The following LPCAT1 variants were observed in gnomAD, a reference collection of about 807,000 sequenced individuals.
LPCAT1 encodes the protein 1-acylglycerol-3-phosphate O-acyltransferase.
Under a neutral mutation model 60.9 loss-of-function variants are expected in LPCAT1, and 23 were observed. That is an observed-to-expected ratio of 0.38 (90% CI 0.27 to 0.53). The LOEUF is 0.53. Ranked by LOEUF, LPCAT1 falls within the 20% of genes least tolerant of loss-of-function variation. The probability of loss-of-function intolerance (pLI) is 0.82; values close to 1 mark genes in which losing one functional copy is unlikely to be tolerated. For synonymous variants in LPCAT1, 340 were observed against 301.1 expected, an observed-to-expected ratio of 1.13 and a Z score of -1.34; for missense variants, 622 against 723.6, an observed-to-expected ratio of 0.86 and a Z score of 1.61.
intron 12 of LPCAT1, among the ~76,000 whole-genome samples, chr5:1,467,719 A>G (rs1183165778): frequency 2.0e-5 from 3 of 150,354 alleles, no homozygotes; most frequent in Non-Finnish European, 1.5e-5. Context: ...TTTAGGCTCG[A>G]GCCTGGCCCA....
intron 6 of LPCAT1, among the ~76,000 whole-genome samples, chr5:1,482,526 T>G (rs1256936798): frequency 2.5e-4 from 4 of 15,858 alleles, no homozygotes; most frequent in Admixed American, 5.8e-4. Flanking sequence ...TGGGGTGGGG[T>G]GGGGTGGGGC....
In LPCAT1 at chr5:1,494,731, C is replaced by T; in HGVS notation, c.462G>A (p.Lys154=). The change falls in exon 3 of 14, where the codon AAG becomes AAA. Residue 154 remains lysine, a synonymous_variant. Transcript: ENST00000283415. ...VTMTMSSIVM[K]AESRDIPIWG... The stretch of plus-strand genomic sequence containing the variant: ...AGATCGGGATGTCTCTGCTCTCTGC[C>T]TTCATCACGATGGAGGACATCGTCA... 1 of 1,614,230 alleles carries T rather than the reference C, an allele frequency of 6.2e-7. No homozygotes were observed. The highest frequency in any genetic ancestry group is 8.5e-7 in the Non-Finnish European group (1 of 1,180,020).
At chr5:1,475,408 C>T (rs1734861688) in intron 9 of LPCAT1, among the ~76,000 whole-genome samples, 1 of 152,192 alleles carries the variant, frequency 6.6e-6, no homozygotes, top group African/African-American at 2.4e-5. Flanking sequence ...CTGGGAGAAC[C>T]ACCCACCTCC....
At chr5:1,500,097 G>A (rs1305227407) in intron 2 of LPCAT1, among the ~76,000 whole-genome samples, 2 of 152,342 alleles carry the variant, frequency 1.3e-5, no homozygotes, top group South Asian at 2.1e-4. Context: ...GGGCGTGCCC[G>A]TGCTCCAGTA....
At chr5:1,515,738 G>C (rs1416692199) in intron 1 of LPCAT1, among the ~76,000 whole-genome samples, 4 of 151,904 alleles carry the variant, frequency 2.6e-5, no homozygotes, top group Admixed American at 6.5e-5. Flanking sequence ...AATACAGGGG[G>C]CCCCCCGGAA....
chr5:1,518,427 G>A (rs1219129514), intron 1 of LPCAT1, among the ~76,000 whole-genome samples: 1 of 152,196 alleles, frequency 6.6e-6, no homozygotes, highest in Non-Finnish European at 1.5e-5. Context: ...TGCAAGCTCC[G>A]CCTCCTGGGT....
chr5:1,521,268 C>G lies in LPCAT1; in HGVS notation c.135+2442G>C. 1 of 921,374 alleles carries G rather than the reference C, an allele frequency of 1.1e-6. No individual in the cohort carries two copies. Among genetic ancestry groups the G allele is most frequent in the Middle Eastern group, 5.5e-4 (1 of 1,804 alleles). 57.1% of individuals were successfully genotyped at this position (921,374 alleles called of 1,614,324 possible). On this transcript the variant is annotated intron_variant, in intron 1 of 13. Transcript: ENST00000283415. The surrounding 1 kb of genome is among the most constrained non-coding windows in gnomAD (Gnocchi z 4.3). ...ATGGGCTGGCTGGAGGAGGAGGTGTCCCCGCATGGCGCTAATCCGAAGACA... is the reference window on the plus strand; with the variant it reads ...ATGGGCTGGCTGGAGGAGGAGGTGTGCCCGCATGGCGCTAATCCGAAGACA...
In LPCAT1 at chr5:1,465,420, T is replaced by C. The variant is rs533904561; in HGVS notation, c.1420+1329A>G. Among the ~76,000 whole-genome samples, 280 of 139,540 alleles carry C rather than the reference T, an allele frequency of 2.0e-3. 2 individuals carry two copies. Among genetic ancestry groups the C allele is most frequent in the African/African-American group, 7.0e-3 (259 of 36,776 alleles). The allele number at this position is 139,540 out of a possible 152,430, so 91.5% of individuals were successfully genotyped here. On this transcript the variant is annotated intron_variant, in intron 13 of 13. Transcript: ENST00000283415. ...CATGCACACATGGTAACTACACACA[T>C]GCACACACACACAAAACAAGCGCAG... is the stretch of plus-strand genomic sequence containing the variant.
intron 11 of LPCAT1, among the ~76,000 whole-genome samples, chr5:1,473,363 G>A (rs968081972): frequency 5.3e-5 from 8 of 152,258 alleles, no homozygotes; most frequent in African/African-American, 1.9e-4. Context: ...GTGGCTCGCC[G>A]TGGCAGCCTG....
At chr5:1,494,970 G>T (rs1735730787) in intron 2 of LPCAT1, 56 bp from the exon 3 acceptor site, 2 of 1,489,498 alleles carry the variant, frequency 1.3e-6, no homozygotes. Context: ...CGGAGTCTGT[G>T]TGAGGCACAG....
At chr5:1,498,659 CAA>C (rs1312223008) in intron 2 of LPCAT1, among the ~76,000 whole-genome samples, 1 of 151,808 alleles carries the variant, frequency 6.6e-6, no homozygotes, top group Non-Finnish European at 1.5e-5. Context: ...CACAGAGACA[CAA>C]CACTCATACA....
At chr5:1,490,668 G>A (rs1466443762) in intron 3 of LPCAT1, among the ~76,000 whole-genome samples, 6 of 152,202 alleles carry the variant, frequency 3.9e-5, no homozygotes, top group African/African-American at 1.4e-4. Flanking sequence ...ACAGCCTCCT[G>A]GAAGTTGCGG....
chr5:1,466,767 T>C lies in LPCAT1; in HGVS notation c.1402A>G (p.Lys468Glu). ...GGCTCACCGAATGTGATCTTCCCCT[T>C]CTCCTCTTGGTCAATGGCTCGGAAT... is the stretch of plus-strand genomic sequence containing the variant. The part of the protein sequence containing the change: ...DLFRAIDQEE[K>E]GKITFADFHR... Residue 468 changes from lysine to glutamate, a missense_variant, in exon 13 of 14, where the codon AAG (lysine) becomes GAG (glutamate). By Grantham distance (56) the Lys-to-Glu change is moderately conservative. Transcript: ENST00000283415. The C allele has an allele frequency of 6.2e-7, 1 of 1,611,236 alleles. No homozygotes were observed. The highest frequency in any genetic ancestry group is 8.5e-7 in the Non-Finnish European group (1 of 1,178,390).
In LPCAT1 at chr5:1,480,406, TCAGACGTCAGCA is replaced by T; in HGVS notation, c.761+524_761+535del. The T allele has an allele frequency of 1.0e-6, 1 of 983,498 alleles. No homozygotes were observed. The highest frequency in any genetic ancestry group is 4.7e-5 in the South Asian group (1 of 21,256). The allele number at this position is 983,498 out of a possible 1,614,324, so 60.9% of individuals were successfully genotyped here. A position where few individuals can be genotyped will look rare whatever the true frequency, so the allele number is the denominator to read the frequency against. On this transcript the variant is annotated intron_variant, in intron 7 of 13. Transcript: ENST00000283415. This position sits in a 1 kb window ranked among gnomAD's most constrained non-coding sequence, Gnocchi z 6.4. Reference sequence around the variant, plus strand: ...CTCCCTCTGCCCTCCCGACGTCAGCTCAGACGTCAGCACCCAGGAGGCCCTGACCAGCCTGTG... The same window carrying T: ...CTCCCTCTGCCCTCCCGACGTCAGCTCCCAGGAGGCCCTGACCAGCCTGTG...
At chr5:1,498,680 T>C (rs998540278) in intron 2 of LPCAT1, among the ~76,000 whole-genome samples, 2 of 152,070 alleles carry the variant, frequency 1.3e-5, no homozygotes, top group East Asian at 1.9e-4. Context: ...CACATGTACA[T>C]ACTGTCATAC....
At chr5:1,488,324 A>T in intron 5 of LPCAT1, 67 bp downstream of exon 5, 1 of 1,058,604 alleles carries the variant, frequency 9.4e-7, no homozygotes, top group East Asian at 2.4e-5. Flanking sequence ...GCACATTATT[A>T]AAAAACATCT....
At chr5:1,488,764 T>C (rs1327974060) in intron 4 of LPCAT1, among the ~76,000 whole-genome samples, 2 of 152,166 alleles carry the variant, frequency 1.3e-5, no homozygotes, top group Non-Finnish European at 1.5e-5. Flanking sequence ...TGCAACTAAA[T>C]ATAACCCACG....
In LPCAT1 at chr5:1,463,415, A is replaced by G. The variant is rs1050903330; in HGVS notation, c.*236T>C. ...CAGGGAACCTGACCCCACGGGGTCC[A>G]GGCCAGGCGGGGGATCCGCGTGCGC... On this transcript the variant is annotated 3_prime_UTR_variant, in exon 14 of 14. Coordinates refer to ENST00000283415, the MANE Select transcript of LPCAT1 (RefSeq NM_024830.5). 1.7e-5 allele frequency: 9 copies of G among 536,128 alleles called. No individual in the cohort carries two copies. Among genetic ancestry groups the G allele is most frequent in the African/African-American group, 1.5e-4 (8 of 51,762 alleles). The allele number at this position is 536,128 out of a possible 1,614,324, so 33.2% of individuals were successfully genotyped here.
At chr5:1,489,893 T>C in intron 3 of LPCAT1, 35 bp from the exon 4 acceptor site, 1 of 1,471,000 alleles carries the variant, frequency 6.8e-7, no homozygotes, top group Non-Finnish European at 9.5e-7. Flanking sequence ...TCACGTGGAA[T>C]GCACGGCTCC....
Sources: gnomAD v4.1 joint callset for allele counts (sites outside exome capture counted in the v4.1 genomes callset) on GRCh38, gnomAD v4.1.1 for gene constraint, Gnocchi (gnomAD v3.1) non-coding constraint, MANE v1.5 for transcripts, NCBI Gene and HGNC (gene_info 2026-07-23, HGNC 2026-07-21) for gene names.